The following SGCD variants were observed in gnomAD, a reference collection of about 807,000 sequenced individuals.
The protein encoded by SGCD is sarcoglycan delta.
A neutral mutation model predicts 36.6 loss-of-function variants in SGCD; 18 were observed. The observed-to-expected ratio is 0.49, with a 90% CI of 0.34 to 0.73. The LOEUF is 0.73. Ranked by LOEUF, SGCD falls within the 30% of genes least tolerant of loss-of-function variation. SGCD has a pLI of 0.01. For synonymous variants in SGCD, 133 were observed against 130.6 expected, an observed-to-expected ratio of 1.02 and a Z score of -0.12; for missense variants, 387 against 346.7, an observed-to-expected ratio of 1.12 and a Z score of -0.92.
At chr5:156,253,824 A>G (rs935514158) in intron 3 of SGCD, among the ~76,000 whole-genome samples, 7 of 152,274 alleles carry the variant, frequency 4.6e-5, no homozygotes, top group African/African-American at 1.7e-4. Context: ...AATAATTATT[A>G]TTTATACTTG....
At chr5:156,025,281 A>T (rs1235399660) in intron 1 of SGCD, among the ~76,000 whole-genome samples, 1 of 152,194 alleles carries the variant, frequency 6.6e-6, no homozygotes, top group Non-Finnish European at 1.5e-5. Context: ...CCTCAGCATG[A>T]AAGTGGCCCA....
intron 7 of SGCD, among the ~76,000 whole-genome samples, chr5:156,746,912 G>A (rs1408561126): frequency 6.8e-6 from 1 of 147,308 alleles, no homozygotes; most frequent in Admixed American, 6.6e-5. Context: ...AAGAGACACT[G>A]CTTAAAAAAT....
the SGCD span, among the ~76,000 whole-genome samples, chr5:155,842,576 GA>G: frequency 2.4e-3 from 348 of 143,816 alleles, 1 homozygote; most frequent in Non-Finnish European, 2.7e-3. Context: ...CATCTCAACG[GA>G]AAAAAAAAAA....
intron 7 of SGCD, among the ~76,000 whole-genome samples, chr5:156,653,892 C>T (rs1030993908): frequency 3.9e-5 from 6 of 152,048 alleles, no homozygotes; most frequent in African/African-American, 1.4e-4. Context: ...GGTTCCTGGA[C>T]TTGTACTAGC....
At chr5:155,914,035 C>G (rs139176380) in intron 1 of SGCD, among the ~76,000 whole-genome samples, 34 of 152,278 alleles carry the variant, frequency 2.2e-4, no homozygotes, top group African/African-American at 7.9e-4. Context: ...ATCACTGATC[C>G]AATGCCCTTA....
intron 1 of SGCD, among the ~76,000 whole-genome samples, chr5:155,982,992 T>A (rs1186673309): frequency 6.6e-6 from 1 of 152,198 alleles, no homozygotes; most frequent in African/African-American, 2.4e-5. Flanking sequence ...TGCTTTTTAT[T>A]TATTTTTTCT....
chr5:156,216,338 TAA>T (rs1415088319), intron 3 of SGCD, among the ~76,000 whole-genome samples: 1 of 152,200 alleles, frequency 6.6e-6, no homozygotes, highest in Non-Finnish European at 1.5e-5. Flanking sequence ...ACAAAAATGA[TAA>T]GTGTTTGTGG....
rs11748588 is a variant in SGCD at position 156,508,710 on chromosome 5, T to C, written c.294+8T>C. 6.6e-3 allele frequency: 9,974 copies of C among 1,505,194 alleles called. 44 individuals are homozygous for C. The highest frequency in any genetic ancestry group is 7.1e-3 in the Non-Finnish European group (7,706 of 1,090,794). The allele number at this position is 1,505,194 out of a possible 1,614,324, so 93.2% of individuals were successfully genotyped here. On this transcript the variant is annotated splice_region_variant and intron_variant, in intron 4 of 8. Coordinates refer to ENST00000337851, the MANE Select transcript of SGCD (RefSeq NM_000337.6). ...GAAATCCAGTCCCGACCAGTAAGTT[T>C]CTGCTGAGAGAAGGAGGCATTATTG...
intron 7 of SGCD, among the ~76,000 whole-genome samples, chr5:156,657,435 C>T (rs1021979806): frequency 5.6e-5 from 8 of 142,076 alleles, no homozygotes; most frequent in Non-Finnish European, 1.2e-4. Context: ...TGTGATGTTC[C>T]CCTTCCTGTG....
intron 4 of SGCD, among the ~76,000 whole-genome samples, chr5:156,565,713 C>T (rs1210051453): frequency 6.6e-6 from 1 of 152,066 alleles, no homozygotes; most frequent in East Asian, 1.9e-4. Flanking sequence ...CACCCACCGA[C>T]AGGACCCCGT....
chr5:155,802,687 G>A, the SGCD span, among the ~76,000 whole-genome samples: 5 of 152,166 alleles, frequency 3.3e-5, no homozygotes, highest in African/African-American at 1.2e-4. Flanking sequence ...TTAGTCTTGT[G>A]TCTAAGTCAT....
intron 4 of SGCD, among the ~76,000 whole-genome samples, chr5:156,554,110 C>G (rs1053368497): frequency 6.6e-6 from 1 of 152,142 alleles, no homozygotes; most frequent in Non-Finnish European, 1.5e-5. Flanking sequence ...AATCCCAGCA[C>G]TTTGGGAAGC....
intron 1 of SGCD, chr5:155,870,428 ACT>A (rs1295058606): frequency 1.3e-5 from 2 of 152,068 alleles, no homozygotes; most frequent in Non-Finnish European, 1.5e-5. Flanking sequence ...TTAGCAGGTA[ACT>A]CTCCAAATTT....
At position 156,068,413 on chromosome 5, in the gene SGCD, A is replaced by G. The variant is rs891463408; in HGVS notation, c.-281-49465A>G. The stretch of plus-strand genomic sequence containing the variant: ...TTGCGATACTTTACTGAGAATGATG[A>G]TTTCCAATTTCATCCATGTCCCTAC... On this transcript the variant is annotated intron_variant, in intron 1 of 9. Coordinates refer to the SGCD transcript ENST00000517913. 2.6e-5 allele frequency among the ~76,000 whole-genome samples: 4 copies of G among 152,008 alleles called. No homozygotes were observed. In the East Asian group the frequency reaches 5.8e-4, roughly 22 times the overall value.
At chr5:155,762,527 C>T in the SGCD span, among the ~76,000 whole-genome samples, 101 of 152,302 alleles carry the variant, frequency 6.6e-4, no homozygotes, top group African/African-American at 2.3e-3. Context: ...CTATTTGGCA[C>T]TCATTTAATC....
At chr5:156,638,723 T>C (rs1393632960) in intron 6 of SGCD, among the ~76,000 whole-genome samples, 1 of 152,186 alleles carries the variant, frequency 6.6e-6, no homozygotes, top group Non-Finnish European at 1.5e-5. Context: ...TTTCAAGTTT[T>C]GGCTTAATGA....
At chr5:156,148,179 A>G (rs1001950558) in intron 3 of SGCD, among the ~76,000 whole-genome samples, 2 of 152,242 alleles carry the variant, frequency 1.3e-5, no homozygotes, top group Admixed American at 6.5e-5. Flanking sequence ...AATGAACAAC[A>G]AAAACTCTAT....
intron 6 of SGCD, among the ~76,000 whole-genome samples, chr5:156,612,648 G>T (rs969099644): frequency 6.6e-6 from 1 of 152,254 alleles, no homozygotes; most frequent in Non-Finnish European, 1.5e-5. Context: ...GTTCCACTGA[G>T]CCTAGGCTCT....
chr5:156,475,376 G>T (rs1198615337), intron 3 of SGCD, among the ~76,000 whole-genome samples: 3 of 152,124 alleles, frequency 2.0e-5, no homozygotes, highest in Non-Finnish European at 2.9e-5. Context: ...CAGACTATGG[G>T]TCCTTCCAAG....
Sources: gnomAD v4.1 joint callset for allele counts (sites outside exome capture counted in the v4.1 genomes callset) on GRCh38, gnomAD v4.1.1 for gene constraint, MANE v1.5 for transcripts, NCBI Gene and HGNC (gene_info 2026-07-23, HGNC 2026-07-21) for gene names.